Variants in PTPRM observed in about 807,000 individuals in gnomAD.
PTPRM encodes the protein receptor-type tyrosine-protein phosphatase mu.
PTPRM carries 47 observed loss-of-function variants against 186.7 expected under a neutral mutation model. The ratio of observed to expected loss-of-function variants is 0.25; its 90% CI spans 0.20 to 0.32. PTPRM has a LOEUF of 0.32. Among genes scored for constraint, PTPRM ranks in the 10% least tolerant of loss-of-function variants. The pLI, the probability that PTPRM is intolerant of heterozygous loss-of-function variation, is 1.00. For missense variants in PTPRM, 1,494 were observed against 1,865.0 expected (o/e 0.80, Z 3.66); for synonymous variants, 668 against 674.9 (o/e 0.99, Z 0.16).
chr18:7,968,642 G>T, intron 7 of PTPRM, among the ~76,000 whole-genome samples: 1 of 37,190 alleles, frequency 2.7e-5, no homozygotes, highest in Non-Finnish European at 5.3e-5. Flanking sequence ...ACAAAAAAAG[G>T]CAGGGGTTGC....
chr18:7,930,940 T>C (rs1347443816), intron 5 of PTPRM, among the ~76,000 whole-genome samples: 1 of 152,110 alleles, frequency 6.6e-6, no homozygotes, highest in East Asian at 1.9e-4. Flanking sequence ...ACACAGGTTA[T>C]GTTGCCAAGT....
At chr18:7,665,354 G>A (rs1009663972) in intron 1 of PTPRM, among the ~76,000 whole-genome samples, 1 of 152,032 alleles carries the variant, frequency 6.6e-6, no homozygotes, top group Non-Finnish European at 1.5e-5. Flanking sequence ...TTATGATGTT[G>A]TACAGTCTAT....
chr18:7,603,262 A>C (rs1009683081), intron 1 of PTPRM, among the ~76,000 whole-genome samples: 4 of 152,202 alleles, frequency 2.6e-5, no homozygotes, highest in African/African-American at 9.6e-5. Flanking sequence ...TCATGCTGTC[A>C]GTTAACTTTA....
At chr18:7,631,458 T>TTA (rs2038190190) in intron 1 of PTPRM, among the ~76,000 whole-genome samples, 1 of 151,978 alleles carries the variant, frequency 6.6e-6, no homozygotes, top group African/African-American at 2.4e-5. Context: ...GCTGTTTTTT[T>TTA]TTTTTTTGTA....
intron 13 of PTPRM, among the ~76,000 whole-genome samples, chr18:8,129,041 C>T (rs1317576844): frequency 1.3e-5 from 2 of 151,850 alleles, no homozygotes; most frequent in African/African-American, 2.4e-5. Flanking sequence ...TGGTGTATTA[C>T]GCATATCCAA....
chr18:8,396,718 G>A (rs1414762949), intron 32 of PTPRM, among the ~76,000 whole-genome samples: 4 of 152,216 alleles, frequency 2.6e-5, no homozygotes, highest in South Asian at 2.1e-4. Context: ...GGAGGATAAG[G>A]TCAGGGTCTG....
At chr18:7,777,828 C>G (rs2042664888) in intron 2 of PTPRM, among the ~76,000 whole-genome samples, 2 of 152,038 alleles carry the variant, frequency 1.3e-5, no homozygotes, top group African/African-American at 2.4e-5. Flanking sequence ...AAATCTTTGT[C>G]ACAGTCCTGT....
intron 7 of PTPRM, among the ~76,000 whole-genome samples, chr18:7,990,515 G>A (rs765726130): frequency 5.3e-5 from 8 of 152,108 alleles, no homozygotes; most frequent in Non-Finnish European, 1.2e-4. Context: ...TTAAAAATAT[G>A]AATATAAAAA....
At chr18:8,214,762 C>G (rs1297354091) in intron 14 of PTPRM, among the ~76,000 whole-genome samples, 1 of 152,164 alleles carries the variant, frequency 6.6e-6, no homozygotes, top group Admixed American at 6.5e-5. Flanking sequence ...CTCCCAGGTT[C>G]AAGCGATTCT....
At chr18:8,011,966 T>C (rs1419240032) in intron 7 of PTPRM, among the ~76,000 whole-genome samples, 1 of 152,200 alleles carries the variant, frequency 6.6e-6, no homozygotes, top group Admixed American at 6.5e-5. Context: ...CCTTGCACAT[T>C]TTTTCCTTCT....
At chr18:8,208,116 C>T (rs1014169048) in intron 14 of PTPRM, among the ~76,000 whole-genome samples, 2 of 152,218 alleles carry the variant, frequency 1.3e-5, no homozygotes, top group Non-Finnish European at 2.9e-5. Flanking sequence ...CAACCATAAC[C>T]GTAAGCTGAG....
chr18:7,870,338 T>A lies in PTPRM; in HGVS notation c.197-17768T>A, dbSNP rs1599179846. 2.6e-5 allele frequency among the ~76,000 whole-genome samples: 4 copies of A among 152,342 alleles called. No homozygotes were observed. The South Asian group carries it at 8.3e-4, about 32-fold the overall frequency. On this transcript the variant is annotated intron_variant, in intron 2 of 32. Transcript: ENST00000580170. The stretch of plus-strand genomic sequence containing the variant: ...GGCATGACTGTATTTTATATTTTAT[T>A]ATGTCTTCCCTTTTGGCAACTCAGT...
At chr18:8,279,303 C>T (rs2094874483) in intron 19 of PTPRM, among the ~76,000 whole-genome samples, 1 of 152,170 alleles carries the variant, frequency 6.6e-6, no homozygotes, top group Non-Finnish European at 1.5e-5. Flanking sequence ...CTGTGCAAGA[C>T]TTCATAGCTC....
intron 5 of PTPRM, among the ~76,000 whole-genome samples, chr18:7,942,188 C>G (rs1031292583): frequency 4.0e-5 from 6 of 150,108 alleles, no homozygotes; most frequent in Admixed American, 2.7e-4. Context: ...GAGGCTGAGG[C>G]AGGAAAATTG....
At chr18:8,114,654 A>T in intron 12 of PTPRM, 137 bp from the exon 13 acceptor site, 1 of 727,672 alleles carries the variant, frequency 1.4e-6, no homozygotes, top group Non-Finnish European at 2.3e-6. Context: ...TCAAAGAATA[A>T]TTGCTGTGTG....
chr18:8,176,650 A>G (rs1024702402), intron 14 of PTPRM, among the ~76,000 whole-genome samples: 9 of 152,190 alleles, frequency 5.9e-5, no homozygotes, highest in African/African-American at 2.2e-4. Flanking sequence ...CGTCCACATG[A>G]CTTGCAGGAG....
intron 1 of PTPRM, among the ~76,000 whole-genome samples, chr18:7,599,839 G>T (rs1013346203): frequency 1.3e-5 from 2 of 152,164 alleles, no homozygotes; most frequent in Admixed American, 6.5e-5. Flanking sequence ...CTGTGCATTT[G>T]CTACTCTTGA....
intron 19 of PTPRM, among the ~76,000 whole-genome samples, chr18:8,270,667 T>C (rs1295388907): frequency 6.6e-6 from 1 of 152,128 alleles, no homozygotes; most frequent in Non-Finnish European, 1.5e-5. Context: ...TGGAATATTA[T>C]TCAGCCACAA....
chr18:8,066,479 C>T (rs1374109727), intron 7 of PTPRM, among the ~76,000 whole-genome samples: 1 of 152,128 alleles, frequency 6.6e-6, no homozygotes, highest in Non-Finnish European at 1.5e-5. Context: ...AAGCTTTTGA[C>T]AAATGAGAAT....
Sources: gnomAD v4.1 joint callset for allele counts (sites outside exome capture counted in the v4.1 genomes callset) on GRCh38, gnomAD v4.1.1 for gene constraint, MANE v1.5 for transcripts, NCBI Gene and HGNC (gene_info 2026-07-23, HGNC 2026-07-21) for gene names.